The following MICAL3 variants were observed in gnomAD, a reference collection of about 807,000 sequenced individuals.
MICAL3 encodes the protein [F-actin]-monooxygenase MICAL3.
MICAL3 carries 62 observed loss-of-function variants against 207.4 expected under a neutral mutation model. The ratio of observed to expected loss-of-function variants is 0.30; its 90% CI spans 0.24 to 0.37. The LOEUF is 0.37. Among genes scored for constraint, MICAL3 ranks in the 10% least tolerant of loss-of-function variants. The probability of loss-of-function intolerance (pLI) is 1.00; values close to 1 mark genes in which losing one functional copy is unlikely to be tolerated. For missense variants in MICAL3, 2,368 were observed against 2,635.6 expected, an observed-to-expected ratio of 0.90 and a Z score of 2.22; for synonymous variants, 1,077 against 1,069.3, an observed-to-expected ratio of 1.01 and a Z score of -0.14.
Position 17,906,875 on chromosome 22 carries a change from T to A in MICAL3, c.-63A>T. On this transcript the variant is annotated 5_prime_UTR_variant, in exon 2 of 32. Coordinates refer to ENST00000441493, the MANE Select transcript of MICAL3 (RefSeq NM_015241.3). ...GGATGGCTGTGGGTCCACCTGACAC[T>A]GTCACGTTAATCTGACAAAAAGAAA... 2 of 1,456,920 alleles carry A rather than the reference T, an allele frequency of 1.4e-6. No homozygotes were observed. Among genetic ancestry groups the A allele is most frequent in the Non-Finnish European group, 1.9e-6 (2 of 1,079,676 alleles). 90.2% of individuals were successfully genotyped at this position (1,456,920 alleles called of 1,614,324 possible). A position where few individuals can be genotyped will look rare whatever the true frequency, so the allele number is the denominator to read the frequency against.
chr22:17,915,035 G>A (rs1311624531), intron 1 of MICAL3, among the ~76,000 whole-genome samples: 2 of 152,148 alleles, frequency 1.3e-5, no homozygotes, highest in African/African-American at 2.4e-5. Flanking sequence ...GCCCTCAGGG[G>A]TGATGAAAGG....
At chr22:17,941,408 A>T (rs1195212881) in intron 1 of MICAL3, among the ~76,000 whole-genome samples, 1 of 152,188 alleles carries the variant, frequency 6.6e-6, no homozygotes, top group Non-Finnish European at 1.5e-5. Flanking sequence ...CTTCTCTGGA[A>T]GAAAAGTGTC....
intron 1 of MICAL3, among the ~76,000 whole-genome samples, chr22:17,982,643 C>T (rs1935965778): frequency 1.3e-5 from 2 of 149,548 alleles, no homozygotes; most frequent in Non-Finnish European, 3.0e-5. Context: ...TGTACTCCAG[C>T]CTGGGCGACA....
intron 25 of MICAL3, among the ~76,000 whole-genome samples, chr22:17,821,002 A>G (rs1316044): frequency 0.17 from 16,173 of 93,230 alleles, 2,712 homozygotes; most frequent in Non-Finnish European, 0.24. Flanking sequence ...ATAAATTTAT[A>G]TTTATAAACA....
chr22:17,946,627 G>A (rs1436247467), intron 1 of MICAL3, among the ~76,000 whole-genome samples: 1 of 152,162 alleles, frequency 6.6e-6, no homozygotes, highest in Non-Finnish European at 1.5e-5. Context: ...CATCCCCAAA[G>A]TACCAGGGGA....
At chr22:17,973,801 G>A (rs936236760) in intron 1 of MICAL3, among the ~76,000 whole-genome samples, 1 of 152,042 alleles carries the variant, frequency 6.6e-6, no homozygotes, top group African/African-American at 2.4e-5. Flanking sequence ...CGCACTTGTG[G>A]TCCCAGCTAC....
At chr22:17,953,467 T>C (rs958599174) in intron 1 of MICAL3, among the ~76,000 whole-genome samples, 1 of 152,084 alleles carries the variant, frequency 6.6e-6, no homozygotes, top group Non-Finnish European at 1.5e-5. Context: ...AGAAAGGTCA[T>C]GTTAAGGCCT....
chr22:18,014,116 GACACACACAC>G (rs35404796), intron 1 of MICAL3, among the ~76,000 whole-genome samples: 1 of 147,938 alleles, frequency 6.8e-6, no homozygotes, highest in African/African-American at 2.5e-5. Context: ...CCCTCTCTTA[GACACACACAC>G]ACACACACAC....
At position 18,024,546 on chromosome 22, in the gene MICAL3, A is replaced by C. The variant is rs1924683768; in HGVS notation, c.-340T>G. 6.6e-6 allele frequency: 1 copy of C among 151,750 alleles called. No individual in the cohort carries two copies. The highest frequency in any genetic ancestry group is 6.6e-5 in the Admixed American group (1 of 15,230). 9.4% of individuals were successfully genotyped at this position (151,750 alleles called of 1,614,324 possible). ...CCCGCCGGGACTCCGCCGGGGCTGC[A>C]GGAGCGCGCGCTGCTGGCTGGGCGG... On this transcript the variant is annotated 5_prime_UTR_variant, in exon 1 of 32. Coordinates refer to ENST00000441493, the MANE Select transcript of MICAL3 (RefSeq NM_015241.3).
intron 19 of MICAL3, among the ~76,000 whole-genome samples, chr22:17,858,770 C>T (rs181781581): frequency 9.2e-5 from 14 of 152,328 alleles, no homozygotes; most frequent in African/African-American, 3.4e-4. Context: ...TCCCAATGGG[C>T]AGCACAGAAT....
chr22:17,987,824 T>C (rs1186610978), intron 1 of MICAL3, among the ~76,000 whole-genome samples: 1 of 152,044 alleles, frequency 6.6e-6, no homozygotes, highest in East Asian at 1.9e-4. Flanking sequence ...ATCTACACAC[T>C]GGAAGAATGA....
rs1249022758 is a variant in MICAL3 at position 17,899,525 on chromosome 22, A to C, written c.871T>G (p.Tyr291Asp). The C allele has an allele frequency of 6.2e-7, 1 of 1,605,148 alleles. No homozygotes were observed. The highest frequency in any genetic ancestry group is 8.5e-7 in the Non-Finnish European group (1 of 1,175,128). ...AAATAGTGTGTGTCATCTTTGTAGT[A>C]AACGATGTTCTCCAAGTCAATACCT... ...ATGIDLENIV[Y>D]YKDDTHYFVM... is the part of the protein sequence containing the mutation. Residue 291 changes from tyrosine (Y) to aspartate (D), a missense_variant, in exon 7 of 32, where the codon TAC becomes GAC. Coordinates refer to ENST00000441493, the MANE Select transcript of MICAL3 (RefSeq NM_015241.3).
chr22:17,968,407 C>G lies in MICAL3; in HGVS notation c.-75+55874G>C, dbSNP rs910448097. ...GGGGGAGCAGCACAGGAGCCGGGAG[C>G]TGCTCTGGGAAGAGCTGAGGCGCCA... On this transcript the variant is annotated intron_variant, in intron 1 of 31. Transcript: ENST00000441493. 1.3e-5 allele frequency among the ~76,000 whole-genome samples: 2 copies of G among 152,170 alleles called. 1 individual carries two copies. The highest frequency in any genetic ancestry group is 4.1e-4 in the South Asian group (2 of 4,826).
intron 1 of MICAL3, among the ~76,000 whole-genome samples, chr22:17,913,547 C>T (rs1327147096): frequency 6.6e-6 from 1 of 152,056 alleles, no homozygotes; most frequent in African/African-American, 2.4e-5. Flanking sequence ...AAGAGTGTGG[C>T]ATTTTTCTCA....
intron 19 of MICAL3, among the ~76,000 whole-genome samples, chr22:17,850,134 T>C (rs975819639): frequency 9.9e-5 from 15 of 152,194 alleles, no homozygotes; most frequent in South Asian, 2.1e-4. Flanking sequence ...AAGATACTTA[T>C]CAGAAGAATT....
chr22:17,788,585 G>A lies in MICAL3; in HGVS notation c.*2147C>T, dbSNP rs2061803499. 6.6e-6 allele frequency: 1 copy of A among 152,268 alleles called. No homozygotes were observed. Among genetic ancestry groups the A allele is most frequent in the African/African-American group, 2.4e-5 (1 of 41,472 alleles). The allele number at this position is 152,268 out of a possible 1,614,324, so 9.4% of individuals were successfully genotyped here. ...TCTTTTCCCACGTCCAATTTTATGG[G>A]ACGACTGGGGTTTGAAGATGGAATC... On this transcript the variant is annotated 3_prime_UTR_variant, in exon 32 of 32. Transcript: ENST00000441493.
At chr22:17,795,631 G>A (rs1461315172) in intron 29 of MICAL3, among the ~76,000 whole-genome samples, 1 of 152,218 alleles carries the variant, frequency 6.6e-6, no homozygotes, top group African/African-American at 2.4e-5. Flanking sequence ...GGAGCATCAG[G>A]TAAAGCAAGC....
At chr22:17,938,483 G>A (rs1192363655) in intron 1 of MICAL3, among the ~76,000 whole-genome samples, 1 of 152,152 alleles carries the variant, frequency 6.6e-6, no homozygotes, top group South Asian at 2.1e-4. Context: ...ACGCTGCTGT[G>A]TTACCAATGC....
At position 17,860,995 on chromosome 22, in the gene MICAL3, A is replaced by G. The variant is rs183420543; in HGVS notation, c.2605+3904T>C. ...TATGTGCAATTAGATCTATATACAT[A>G]CAAACGTGTACCTATATATAAACAT... On this transcript the variant is annotated intron_variant, in intron 19 of 31. Transcript: ENST00000441493. 199 of 985,192 alleles carry G rather than the reference A, an allele frequency of 2.0e-4. No homozygotes were observed. In the Middle Eastern group the frequency reaches 5.8e-3, roughly 28 times the overall value. 61.0% of individuals were successfully genotyped at this position (985,192 alleles called of 1,614,324 possible). A position where few individuals can be genotyped will look rare whatever the true frequency, so the allele number is the denominator to read the frequency against.
Sources: gnomAD v4.1 joint callset for allele counts (sites outside exome capture counted in the v4.1 genomes callset) on GRCh38, gnomAD v4.1.1 for gene constraint, MANE v1.5 for transcripts, NCBI Gene and HGNC (gene_info 2026-07-23, HGNC 2026-07-21) for gene names.